WWOX: variants seen among roughly 807,000 people sequenced by gnomAD.
WWOX encodes the protein WW domain-containing oxidoreductase.
WWOX carries 69 observed loss-of-function variants against 46.2 expected under a neutral mutation model. The ratio of observed to expected loss-of-function variants is 1.49; its 90% CI spans 1.23 to 1.82. The LOEUF is 1.82. Ranked by LOEUF, WWOX falls within the 40% of genes most tolerant of loss-of-function variation. The probability of loss-of-function intolerance (pLI) is 0.00; values close to 1 mark genes in which losing one functional copy is unlikely to be tolerated. For synonymous variants in WWOX, 359 were observed against 202.6 expected, an observed-to-expected ratio of 1.77 and a Z score of -6.56; for missense variants, 919 against 542.6, an observed-to-expected ratio of 1.69 and a Z score of -6.89.
In WWOX at chr16:78,945,179, C is replaced by G. The variant is rs113573514; in HGVS notation, c.1057-266429C>G. Among the ~76,000 whole-genome samples the G allele has an allele frequency of 4.5e-3, 681 of 151,198 alleles. 10 individuals carry two copies. Among genetic ancestry groups the G allele is most frequent in the African/African-American group, 0.015 (636 of 41,182 alleles). On this transcript the variant is annotated intron_variant, in intron 8 of 8. Transcript: ENST00000566780. ...TGGGTGACAGAGTGACACCCTGTGT[C>G]AAAAAAAGAAAAAGAAAAAGAAAGA...
intron 8 of WWOX, among the ~76,000 whole-genome samples, chr16:79,105,668 T>C (rs938925019): frequency 6.6e-5 from 10 of 151,652 alleles, no homozygotes; most frequent in Admixed American, 3.3e-4. Context: ...TTGTTTTTTT[T>C]TTTTTTGTTT....
intron 8 of WWOX, among the ~76,000 whole-genome samples, chr16:79,188,200 T>A (rs2051058255): frequency 6.6e-6 from 1 of 152,136 alleles, no homozygotes; most frequent in Non-Finnish European, 1.5e-5. Context: ...AGGGACAAGG[T>A]GGGAGGCGGT....
intron 8 of WWOX, among the ~76,000 whole-genome samples, chr16:78,484,882 T>A (rs1045191642): frequency 2.6e-5 from 4 of 152,114 alleles, no homozygotes; most frequent in Non-Finnish European, 5.9e-5. Flanking sequence ...CTGTCCCAGT[T>A]ACATCAAGGC....
chr16:79,209,108 G>A (rs1214974446), intron 8 of WWOX, among the ~76,000 whole-genome samples: 2 of 152,192 alleles, frequency 1.3e-5, no homozygotes, highest in African/African-American at 2.4e-5. Context: ...CAAGCCTAGT[G>A]GCAAAGGAAT....
intron 8 of WWOX, among the ~76,000 whole-genome samples, chr16:78,743,819 T>C (rs530797486): frequency 1.5e-4 from 23 of 152,294 alleles, no homozygotes; most frequent in African/African-American, 5.5e-4. Flanking sequence ...TTGTGGGCCA[T>C]TACTTCATTT....
At chr16:78,577,439 A>T (rs1008799941) in intron 8 of WWOX, among the ~76,000 whole-genome samples, 1 of 152,130 alleles carries the variant, frequency 6.6e-6, no homozygotes, top group Non-Finnish European at 1.5e-5. Flanking sequence ...ACCACGAGCA[A>T]ATCATTTAGC....
chr16:78,812,735 T>TAA (rs151122360), intron 8 of WWOX, among the ~76,000 whole-genome samples: 1 of 147,918 alleles, frequency 6.8e-6, no homozygotes, highest in Non-Finnish European at 1.5e-5. Flanking sequence ...TCCCACCCCC[T>TAA]AAAAAAAAAA....
intron 8 of WWOX, among the ~76,000 whole-genome samples, chr16:79,139,194 C>T (rs566694571): frequency 6.1e-4 from 93 of 152,260 alleles, no homozygotes; most frequent in Admixed American, 1.3e-3. Flanking sequence ...TATATTTCAG[C>T]GTGCCTCCTA....
At chr16:78,953,369 G>C (rs754521705) in intron 8 of WWOX, among the ~76,000 whole-genome samples, 10 of 152,186 alleles carry the variant, frequency 6.6e-5, no homozygotes, top group African/African-American at 1.9e-4. Context: ...CACACTAATT[G>C]TATGCAAATG....
rs151184181 is a variant in WWOX at position 78,176,590 on chromosome 16, G to A, written c.516+12301G>A. Among the ~76,000 whole-genome samples, 333 of 152,278 alleles carry A rather than the reference G, an allele frequency of 2.2e-3. 1 individual carries two copies. Among genetic ancestry groups the A allele is most frequent in the African/African-American group, 7.7e-3 (321 of 41,554 alleles). On this transcript the variant is annotated intron_variant, in intron 5 of 8. Transcript: ENST00000566780. ...GGCTTTGTTGTTGTTTATTGAGAGG[G>A]ACTAATTAACTTTGATTATTGCACT...
At chr16:78,557,193 A>C (rs1410989931) in intron 8 of WWOX, among the ~76,000 whole-genome samples, 1 of 151,938 alleles carries the variant, frequency 6.6e-6, no homozygotes, top group East Asian at 1.9e-4. Flanking sequence ...TGAATACCCA[A>C]GCTTGCTAAC....
At chr16:78,245,804 A>G (rs2037798374) in intron 5 of WWOX, among the ~76,000 whole-genome samples, 1 of 152,188 alleles carries the variant, frequency 6.6e-6, no homozygotes, top group African/African-American at 2.4e-5. Context: ...TTCCTCGACA[A>G]TAGCTGAGAC....
intron 5 of WWOX, among the ~76,000 whole-genome samples, chr16:78,379,645 C>T (rs145168030): frequency 2.3e-4 from 35 of 152,280 alleles, no homozygotes; most frequent in Non-Finnish European, 4.6e-4. Context: ...AAGCATGCTC[C>T]GTAAGACCCA....
At position 78,722,055 on chromosome 16, in the gene WWOX, A is replaced by T. The variant is rs374002418; in HGVS notation, c.1056+289303A>T. Among the ~76,000 whole-genome samples the T allele has an allele frequency of 4.8e-4, 73 of 152,342 alleles. No individual in the cohort carries two copies. In the East Asian group the frequency reaches 5.4e-3, roughly 11 times the overall value. On this transcript the variant is annotated intron_variant, in intron 8 of 8. Transcript: ENST00000566780. ...TTGCATATTAATACTTGCTTAAATC[A>T]AGAAGCTAAGACTTTGTATTATATT...
chr16:78,501,672 G>C (rs2085073012), intron 8 of WWOX, among the ~76,000 whole-genome samples: 1 of 152,014 alleles, frequency 6.6e-6, no homozygotes, highest in South Asian at 2.1e-4. Flanking sequence ...GAGTAACTAG[G>C]ATTACAGGCA....
chr16:78,632,974 T>G (rs2046472863), intron 8 of WWOX, among the ~76,000 whole-genome samples: 1 of 151,966 alleles, frequency 6.6e-6, no homozygotes, highest in Admixed American at 6.6e-5. Flanking sequence ...GATGAAGAAG[T>G]TAAGGTGGCC....
intron 8 of WWOX, among the ~76,000 whole-genome samples, chr16:78,881,844 C>T (rs544088718): frequency 1.3e-5 from 2 of 152,250 alleles, no homozygotes; most frequent in African/African-American, 2.4e-5. Flanking sequence ...ACTGACAGTC[C>T]AGGCACGGTG....
At chr16:78,968,206 C>T (rs1255284217) in intron 8 of WWOX, among the ~76,000 whole-genome samples, 2 of 152,136 alleles carry the variant, frequency 1.3e-5, no homozygotes, top group Admixed American at 6.5e-5. Context: ...CTGCATGGCA[C>T]AGCACATGGA....
chr16:78,339,045 A>G (rs1009874902), intron 5 of WWOX, among the ~76,000 whole-genome samples: 1 of 120,366 alleles, frequency 8.3e-6, no homozygotes, highest in African/African-American at 2.8e-5. Context: ...AGGTTTTTCA[A>G]TAAGAAGGAA....
Sources: gnomAD v4.1 joint callset for allele counts (sites outside exome capture counted in the v4.1 genomes callset) on GRCh38, gnomAD v4.1.1 for gene constraint, MANE v1.5 for transcripts, NCBI Gene and HGNC (gene_info 2026-07-23, HGNC 2026-07-21) for gene names.